Variants in KIR3DL2 observed in about 807,000 individuals in gnomAD.
The protein encoded by KIR3DL2 is killer cell immunoglobulin like receptor, three Ig domains and long cytoplasmic tail 2.
Under a neutral mutation model 41.6 loss-of-function variants are expected in KIR3DL2, and 42 were observed. The ratio of observed to expected loss-of-function variants is 1.01; its 90% CI spans 0.79 to 1.31. The LOEUF (loss-of-function observed/expected upper bound fraction) is 1.31. KIR3DL2 is among the 50% of genes most tolerant of loss of function. The probability of loss-of-function intolerance (pLI) is 0.00; values close to 1 mark genes in which losing one functional copy is unlikely to be tolerated. For missense variants in KIR3DL2, 728 were observed against 576.8 expected, an observed-to-expected ratio of 1.26 and a Z score of -2.68; for synonymous variants, 230 against 221.3, an observed-to-expected ratio of 1.04 and a Z score of -0.35.
intron 6 of KIR3DL2, among the ~76,000 whole-genome samples, chr19:54,861,452 C>A (rs1210809791): frequency 6.6e-6 from 1 of 151,954 alleles, no homozygotes; most frequent in Non-Finnish European, 1.5e-5. Flanking sequence ...TCGAGACCAG[C>A]CTGGCCAACA....
intron 1 of KIR3DL2, 85 bp downstream of exon 1, chr19:54,850,594 TATG>T (rs2064104240): frequency 6.4e-7 from 1 of 1,567,582 alleles, no homozygotes; most frequent in African/African-American, 1.5e-5. Context: ...GGAGTGGAGA[TATG>T]GGCCTGGAGT....
chr19:54,854,178 C>T, intron 4 of KIR3DL2, 132 bp downstream of exon 4: 2 of 1,146,514 alleles, frequency 1.7e-6, no homozygotes, highest in Non-Finnish European at 2.6e-6. Flanking sequence ...TCGGTGAGGT[C>T]TGTACCAACA....
chr19:54,852,286 A>C lies in KIR3DL2; in HGVS notation c.355+4A>C. On this transcript the variant is annotated splice_donor_region_variant and intron_variant, in intron 3 of 8. Coordinates refer to ENST00000326321, the MANE Select transcript of KIR3DL2 (RefSeq NM_006737.4). The stretch of plus-strand genomic sequence containing the variant: ...CCCCTGGTGATCATGGTCACAGGTC[A>C]GAGGCTTTCTGTCTGGGCTTCTCAC... 6.2e-7 allele frequency: 1 copy of C among 1,605,210 alleles called. No individual in the cohort carries two copies. Among genetic ancestry groups the C allele is most frequent in the East Asian group, 2.2e-5 (1 of 44,710 alleles).
At chr19:54,851,748 G>A (rs201170508) in intron 2 of KIR3DL2, among the ~76,000 whole-genome samples, 6,341 of 151,800 alleles carry the variant, frequency 0.042, 238 homozygotes, top group East Asian at 0.091. Flanking sequence ...ACTTTGTGTT[G>A]TTTTATGTGA....
At chr19:54,851,394 T>A in intron 2 of KIR3DL2, 139 bp downstream of exon 2, 1 of 879,778 alleles carries the variant, frequency 1.1e-6, no homozygotes, top group Non-Finnish European at 1.7e-6. Flanking sequence ...ATTTCTGACC[T>A]CGCCCTCCCT....
At chr19:54,859,204 C>T (rs2065003244) in intron 6 of KIR3DL2, 75 bp downstream of exon 6, 1 of 1,300,586 alleles carries the variant, frequency 7.7e-7, no homozygotes, top group South Asian at 1.2e-5. Context: ...AGTGTTGGCT[C>T]AAACCTCCCA....
intron 7 of KIR3DL2, 81 bp downstream of exon 7, chr19:54,865,990 A>T: frequency 7.6e-7 from 1 of 1,320,662 alleles, no homozygotes; most frequent in Non-Finnish European, 1.1e-6. Flanking sequence ...TGTGTTCCTC[A>T]CTGGCAGGAT....
chr19:54,866,803 A>T lies in KIR3DL2; in HGVS notation c.*72A>T. The T allele has an allele frequency of 6.7e-7, 1 of 1,500,002 alleles. No individual in the cohort carries two copies. The highest frequency in any genetic ancestry group is 1.7e-4 in the Middle Eastern group (1 of 5,770). The allele number at this position is 1,500,002 out of a possible 1,614,324, so 92.9% of individuals were successfully genotyped here. A position where few individuals can be genotyped will look rare whatever the true frequency, so the allele number is the denominator to read the frequency against. On this transcript the variant is annotated 3_prime_UTR_variant, in exon 9 of 9. Coordinates refer to ENST00000326321, the MANE Select transcript of KIR3DL2 (RefSeq NM_006737.4). ...CCAGCAGCTGGAATCTGAAGGCATCAGTCTGCATCTTAGGGGATCGCTCTT... is the reference window on the plus strand; with the variant it reads ...CCAGCAGCTGGAATCTGAAGGCATCTGTCTGCATCTTAGGGGATCGCTCTT...
At position 54,852,063 on chromosome 19, in the gene KIR3DL2, G is replaced by T; in HGVS notation, c.136G>T (p.Ala46Ser). 1.2e-6 allele frequency: 2 copies of T among 1,610,704 alleles called. No homozygotes were observed. Among genetic ancestry groups the T allele is most frequent in the Non-Finnish European group, 1.7e-6 (2 of 1,178,320 alleles). ...TGTGGTGCCTCGAGGAGGACACGTG[G>T]CTCTTCAGTGTCACTATCGTCGTGG... ...STVVPRGGHV[A>S]LQCHYRRGFN... The change falls in exon 3 of 9, where the codon GCT becomes TCT. Residue 46 changes from alanine to serine, a missense_variant. By Grantham distance (99) the Ala-to-Ser change is moderately conservative. Coordinates refer to ENST00000326321, the MANE Select transcript of KIR3DL2 (RefSeq NM_006737.4).
At chr19:54,854,412 G>A (rs1490861420) in intron 4 of KIR3DL2, among the ~76,000 whole-genome samples, 2 of 151,790 alleles carry the variant, frequency 1.3e-5, no homozygotes, top group Non-Finnish European at 2.9e-5. Context: ...CTTCTACGAG[G>A]AGAACCCAAG....
In KIR3DL2 at chr19:54,853,874, T is replaced by C. The variant is rs1222048250; in HGVS notation, c.483T>C (p.Ser161=). 8 of 1,613,380 alleles carry C rather than the reference T, an allele frequency of 5.0e-6. No homozygotes were observed. The highest frequency in any genetic ancestry group is 1.3e-5 in the African/African-American group (1 of 74,592). Residue 161 remains serine, a synonymous_variant, in exon 4 of 9, where the codon TCT becomes TCC. Transcript: ENST00000326321. ...EHFFLHREGI[S]EDPSRLVGQI... ...TCTTTCTGCACAGAGAGGGGATCTC[T>C]GAGGACCCCTCACGCCTCGTTGGAC...
chr19:54,855,869 C>A lies in KIR3DL2; in HGVS notation c.906C>A (p.Cys302Ter), dbSNP rs663318. ...RCFGSFRALP[C>*]VWSNSSDPLL... The stretch of plus-strand genomic sequence containing the variant: ...TCGGCTCTTTCCGTGCCCTGCCCTG[C>A]GTGTGGTCAAACTCAAGTGACCCAC... The change falls in exon 5 of 9, where the codon TGC becomes TGA. Residue 302 changes from cysteine (C) to a stop codon, truncating the protein, a stop_gained. Coordinates refer to ENST00000326321, the MANE Select transcript of KIR3DL2 (RefSeq NM_006737.4). LOFTEE classifies it high-confidence loss of function. 17 of 1,613,334 alleles carry A rather than the reference C, an allele frequency of 1.1e-5. No individual in the cohort carries two copies. The highest frequency in any genetic ancestry group is 8.9e-5 in the East Asian group (4 of 44,884).
chr19:54,853,890 C>T lies in KIR3DL2; in HGVS notation c.499C>T (p.Leu167Phe). 1 of 1,613,384 alleles carries T rather than the reference C, an allele frequency of 6.2e-7. No individual in the cohort carries two copies. Among genetic ancestry groups the T allele is most frequent in the Non-Finnish European group, 8.5e-7 (1 of 1,179,816 alleles). ...REGISEDPSR[L>F]VGQIHDGVSK... is the part of the protein sequence containing the mutation. ...GGGGATCTCTGAGGACCCCTCACGCCTCGTTGGACAGATCCATGATGGGGT... is the reference window on the plus strand; with the variant it reads ...GGGGATCTCTGAGGACCCCTCACGCTTCGTTGGACAGATCCATGATGGGGT... The change falls in exon 4 of 9, where the codon CTC (leucine) becomes TTC (phenylalanine). Residue 167 changes from leucine to phenylalanine, a missense_variant. Transcript: ENST00000326321.
rs1225298538 is a variant in KIR3DL2 at position 54,866,367 on chromosome 19, C to T, written c.1106-3C>T. 3 of 1,613,962 alleles carry T rather than the reference C, an allele frequency of 1.9e-6. No individual in the cohort carries two copies. Among genetic ancestry groups the T allele is most frequent in the Admixed American group, 1.7e-5 (1 of 60,014 alleles). On this transcript the variant is annotated splice_region_variant and splice_polypyrimidine_tract_variant and intron_variant, in intron 7 of 8. Coordinates refer to ENST00000326321, the MANE Select transcript of KIR3DL2 (RefSeq NM_006737.4). ...CGGTTTTGATGACTTCCGTCTCCTA[C>T]AGATGCTGCTGTAATGGACCAAGAG...
At chr19:54,852,631 G>A (rs1245992333) in intron 3 of KIR3DL2, among the ~76,000 whole-genome samples, 2 of 151,610 alleles carry the variant, frequency 1.3e-5, no homozygotes, top group East Asian at 3.9e-4. Flanking sequence ...GAGGAAGAGG[G>A]GAGTGGGGAT....
chr19:54,855,493 G>T, intron 4 of KIR3DL2, 126 bp from the exon 5 acceptor site: 1 of 1,379,468 alleles, frequency 7.2e-7, no homozygotes, highest in South Asian at 1.4e-5. Flanking sequence ...AAGAGAGTTG[G>T]GGTGGAGGGT....
chr19:54,864,855 C>G (rs1270387152), intron 6 of KIR3DL2, among the ~76,000 whole-genome samples: 1 of 151,918 alleles, frequency 6.6e-6, no homozygotes, highest in Admixed American at 6.6e-5. Flanking sequence ...TTATTTCCTT[C>G]TCCTGCCTAA....
At chr19:54,854,846 G>A (rs1285063969) in intron 4 of KIR3DL2, among the ~76,000 whole-genome samples, 2 of 151,782 alleles carry the variant, frequency 1.3e-5, no homozygotes, top group African/African-American at 4.9e-5. Flanking sequence ...CAAAGACAGA[G>A]AAAGATAAAG....
intron 6 of KIR3DL2, among the ~76,000 whole-genome samples, chr19:54,865,023 A>G (rs1425604417): frequency 1.3e-5 from 2 of 152,012 alleles, no homozygotes; most frequent in African/African-American, 4.8e-5. Context: ...TTATTTTGAG[A>G]TACGTCCCAT....
Sources: gnomAD v4.1 joint callset for allele counts (sites outside exome capture counted in the v4.1 genomes callset) on GRCh38, gnomAD v4.1.1 for gene constraint, MANE v1.5 for transcripts, NCBI Gene and HGNC (gene_info 2026-07-23, HGNC 2026-07-21) for gene names.